The following P2RY6 variants were observed in gnomAD, a reference collection of about 807,000 sequenced individuals.
P2RY6 encodes pyrimidinergic receptor P2Y6.
P2RY6 carries 19 observed loss-of-function variants against 16.3 expected under a neutral mutation model. That is an observed-to-expected ratio of 1.16 (90% CI 0.81 to 1.71). The LOEUF is 1.71. P2RY6 is among the 40% of genes most tolerant of loss of function. The pLI is 0.00. For missense variants in P2RY6, 389 were observed against 455.5 expected (o/e 0.85, Z 1.33); for synonymous variants, 184 against 201.5 (o/e 0.91, Z 0.74).
chr11:73,277,631 G>A (rs1863591606), intron 1 of P2RY6, among the ~76,000 whole-genome samples: 1 of 152,244 alleles, frequency 6.6e-6, no homozygotes, highest in African/African-American at 2.4e-5. Flanking sequence ...AGGGGGCCAG[G>A]TAATACCTTC....
intron 1 of P2RY6, among the ~76,000 whole-genome samples, chr11:73,290,185 G>A (rs1345569106): frequency 1.3e-5 from 2 of 151,712 alleles, no homozygotes; most frequent in Non-Finnish European, 2.9e-5. Context: ...TCGTGCCATT[G>A]TACTCCAGCC....
intron 1 of P2RY6, among the ~76,000 whole-genome samples, chr11:73,291,208 G>A (rs1288544096): frequency 6.6e-6 from 1 of 152,212 alleles, no homozygotes; most frequent in Non-Finnish European, 1.5e-5. Flanking sequence ...GCACGTCTGG[G>A]TGGATAAGGC....
At chr11:73,280,395 G>A (rs1415026115) in intron 1 of P2RY6, among the ~76,000 whole-genome samples, 1 of 152,146 alleles carries the variant, frequency 6.6e-6, no homozygotes, top group East Asian at 1.9e-4. Context: ...TTATTAGTTT[G>A]GGCCTCTTTT....
At chr11:73,293,720 A>ATCCCCTCCTGCAGCCCCCTGCC (rs1162284133) in intron 1 of P2RY6, among the ~76,000 whole-genome samples, 14 of 152,160 alleles carry the variant, frequency 9.2e-5, no homozygotes, top group African/African-American at 3.1e-4. Flanking sequence ...TGTGCACCGG[A>ATCCCCTCCTGCAGCCCCCTGCC]TCCCCTCCTG....
intron 1 of P2RY6, among the ~76,000 whole-genome samples, chr11:73,290,310 A>AGAAAGAAG (rs1814898103): frequency 1.4e-5 from 1 of 70,958 alleles, no homozygotes; most frequent in African/African-American, 5.4e-5. Context: ...AAGAAAAGAA[A>AGAAAGAAG]GAAAGAAAGA....
rs749417188 is a variant in P2RY6, at chr11:73,296,676, C to T, written c.158C>T (p.Thr53Met). 1.2e-5 allele frequency: 19 copies of T among 1,614,158 alleles called. No homozygotes were observed. In the East Asian group the frequency reaches 2.5e-4, roughly 21 times the overall value. ...LNICVITQICTSRRALTRTAV... is the reference protein window; with the variant it reads ...LNICVITQICMSRRALTRTAV... ...ATCTGTGTCATTACCCAGATCTGCA[C>T]GTCCCGCCGGGCCCTGACCCGCACG... The change falls in exon 3 of 3, where the codon ACG becomes ATG. Residue 53 changes from threonine to methionine, a missense_variant. Physicochemically the swap from Thr to Met is moderately conservative, Grantham distance 81. Coordinates refer to ENST00000540124, the MANE Select transcript of P2RY6 (RefSeq NM_001277204.2).
chr11:73,283,074 C>T (rs1289841506), intron 1 of P2RY6, among the ~76,000 whole-genome samples: 1 of 152,170 alleles, frequency 6.6e-6, no homozygotes, highest in Non-Finnish European at 1.5e-5. Flanking sequence ...GCAGAGGGAA[C>T]AGTGATGGGT....
chr11:73,272,691 C>T (rs1038133945), intron 1 of P2RY6, among the ~76,000 whole-genome samples: 3 of 152,122 alleles, frequency 2.0e-5, no homozygotes, highest in Non-Finnish European at 4.4e-5. Flanking sequence ...TCAGTGGGGG[C>T]GGGGAGGAGA....
At chr11:73,264,922 AAGGTGTG>A (rs1470773113) in intron 1 of P2RY6, among the ~76,000 whole-genome samples, 1 of 152,216 alleles carries the variant, frequency 6.6e-6, no homozygotes, top group East Asian at 1.9e-4. Flanking sequence ...CGGTATGTGC[AAGGTGTG>A]ACCCATGGAT....
chr11:73,268,707 T>C (rs538462774), upstream of P2RY6, among the ~76,000 whole-genome samples: 3 of 152,324 alleles, frequency 2.0e-5, no homozygotes, highest in South Asian at 2.1e-4. Flanking sequence ...CAACTCTTTT[T>C]AGGATCTGAT....
At chr11:73,272,228 C>A, upstream of P2RY6, 1 of 418,906 alleles carries the variant, frequency 2.4e-6, no homozygotes, top group Non-Finnish European at 3.2e-6. Context: ...AGGACTGGAG[C>A]TTCAGGGTTC....
At chr11:73,288,989 T>G (rs940060718) in intron 1 of P2RY6, among the ~76,000 whole-genome samples, 1 of 152,260 alleles carries the variant, frequency 6.6e-6, no homozygotes, top group African/African-American at 2.4e-5. Context: ...CAGCCTGGTC[T>G]GAGCTGGTTC....
chr11:73,293,194 C>T (rs1350157148), intron 1 of P2RY6, among the ~76,000 whole-genome samples: 1 of 152,112 alleles, frequency 6.6e-6, no homozygotes, highest in African/African-American at 2.4e-5. Flanking sequence ...GTGAAGGGAA[C>T]AGTGGAGATG....
chr11:73,274,400 A>G (rs909871778), intron 1 of P2RY6, among the ~76,000 whole-genome samples: 2 of 152,138 alleles, frequency 1.3e-5, no homozygotes, highest in African/African-American at 4.8e-5. Flanking sequence ...AGCAACTACA[A>G]TGTGTCAAGT....
chr11:73,282,389 C>T (rs1008109244), intron 1 of P2RY6, among the ~76,000 whole-genome samples: 8 of 152,226 alleles, frequency 5.3e-5, no homozygotes, highest in South Asian at 2.1e-4. Context: ...GCAGAGGCCA[C>T]GTGTGTAGCC....
intron 1 of P2RY6, among the ~76,000 whole-genome samples, chr11:73,286,359 C>T (rs561790519): frequency 6.6e-6 from 1 of 152,216 alleles, no homozygotes; most frequent in African/African-American, 2.4e-5. Flanking sequence ...CTTACCTGTA[C>T]GAGTTGTGGA....
At chr11:73,287,866 A>G (rs528821013) in intron 1 of P2RY6, among the ~76,000 whole-genome samples, 1 of 152,254 alleles carries the variant, frequency 6.6e-6, no homozygotes, top group South Asian at 2.1e-4. Context: ...GTGGCCCTAT[A>G]GGCGTGGACT....
intron 1 of P2RY6, among the ~76,000 whole-genome samples, chr11:73,265,794 G>A (rs967384009): frequency 6.6e-6 from 1 of 152,214 alleles, no homozygotes; most frequent in South Asian, 2.1e-4. Context: ...TCCAAGCTTG[G>A]TTCAAATTTG....
chr11:73,286,380 T>G (rs1256824495), intron 1 of P2RY6, among the ~76,000 whole-genome samples: 2 of 152,052 alleles, frequency 1.3e-5, no homozygotes, highest in Non-Finnish European at 2.9e-5. Context: ...CAAAACTGCC[T>G]ACCTTCGGGC....
Sources: gnomAD v4.1 joint callset for allele counts (sites outside exome capture counted in the v4.1 genomes callset) on GRCh38, gnomAD v4.1.1 for gene constraint, MANE v1.5 for transcripts, NCBI Gene and HGNC (gene_info 2026-07-23, HGNC 2026-07-21) for gene names.